Variants in BCL7C observed in about 807,000 individuals in gnomAD.
The protein encoded by BCL7C is BAF chromatin remodeling complex subunit BCL7C, also known as B-cell CLL/lymphoma 7 protein family member C.
In BCL7C, 8 loss-of-function variants were observed where a neutral mutation model predicts 26.2. That is an observed-to-expected ratio of 0.30 (90% confidence interval 0.18 to 0.55). BCL7C has a LOEUF of 0.55. Ranked by LOEUF, BCL7C falls within the 20% of genes least tolerant of loss-of-function variation. The probability of loss-of-function intolerance (pLI) is 0.93; values close to 1 mark genes in which losing one functional copy is unlikely to be tolerated. For synonymous variants in BCL7C, 90 were observed against 116.5 expected (o/e 0.77, Z 1.47); for missense variants, 262 against 298.5 (o/e 0.88, Z 0.90).
chr16:30,853,633 C>T lies in BCL7C; in HGVS notation c.529-18485G>A, dbSNP rs989048839. ...ATGAAAACCGTTCAGTATGGGGGTC[C>T]GTGTTTTCAACGTTTTAAGGAGTTT... On this transcript the variant is annotated intron_variant, in intron 5 of 5. Coordinates refer to the BCL7C transcript ENST00000380317. 2.0e-5 allele frequency among the ~76,000 whole-genome samples: 3 copies of T among 152,302 alleles called. 1 individual carries two copies. Among genetic ancestry groups the T allele is most frequent in the Non-Finnish European group, 2.9e-5 (2 of 68,020 alleles).
At chr16:30,885,246 A>G (rs1328478576), downstream of BCL7C, among the ~76,000 whole-genome samples, 3 of 152,154 alleles carry the variant, frequency 2.0e-5, no homozygotes, top group African/African-American at 7.2e-5. Context: ...GTGACGATGG[A>G]GAGAGATTGG....
At position 30,893,071 on chromosome 16, in the gene BCL7C, A is replaced by G; in HGVS notation, c.172-123T>C. The stretch of plus-strand genomic sequence containing the variant: ...GGTGTGGAGCAGAAAAGAGGGCAAA[A>G]GGGGAGGAGCTGCTAATGATGGTTC... On this transcript the variant is annotated intron_variant, in intron 2 of 5. Coordinates refer to ENST00000215115, the MANE Select transcript of BCL7C (RefSeq NM_004765.4). The surrounding 1 kb of genome is among the most constrained non-coding windows in gnomAD (Gnocchi z 5.2). 8.2e-7 allele frequency: 1 copy of G among 1,223,944 alleles called. No individual in the cohort carries two copies. The highest frequency in any genetic ancestry group is 1.2e-6 in the Non-Finnish European group (1 of 862,842). 75.8% of individuals were successfully genotyped at this position (1,223,944 alleles called of 1,614,324 possible). A position where few individuals can be genotyped will look rare whatever the true frequency, so the allele number is the denominator to read the frequency against.
chr16:30,850,209 CA>C (rs778231654), intron 5 of BCL7C, among the ~76,000 whole-genome samples: 39,132 of 86,244 alleles, frequency 0.45, 6,145 homozygotes, highest in African/African-American at 0.62. Context: ...GACTCCATCT[CA>C]AAAAAAAAAA....
chr16:30,891,675 T>C (rs1041769497), intron 4 of BCL7C, among the ~76,000 whole-genome samples: 1 of 151,482 alleles, frequency 6.6e-6, no homozygotes, highest in Non-Finnish European at 1.5e-5. Context: ...GTGAACAAGA[T>C]CACATAGGGC....
At chr16:30,841,347 C>G (rs2054600625) in intron 5 of BCL7C, among the ~76,000 whole-genome samples, 1 of 152,070 alleles carries the variant, frequency 6.6e-6, no homozygotes, top group South Asian at 2.1e-4. Flanking sequence ...TTGTTGGGAG[C>G]CGAAAAGGCC....
chr16:30,853,215 G>A (rs757295112), intron 5 of BCL7C, among the ~76,000 whole-genome samples: 3 of 152,068 alleles, frequency 2.0e-5, no homozygotes, highest in Non-Finnish European at 4.4e-5. Context: ...TGGGATTACA[G>A]GCATGAGCCA....
At chr16:30,835,591 A>C (rs1326133131) in intron 5 of BCL7C, among the ~76,000 whole-genome samples, 1 of 152,158 alleles carries the variant, frequency 6.6e-6, no homozygotes, top group East Asian at 1.9e-4. Flanking sequence ...CACGCCTGTA[A>C]TCCCAGCACT....
At chr16:30,878,002 C>A (rs1356835405) in intron 5 of BCL7C, among the ~76,000 whole-genome samples, 1 of 151,088 alleles carries the variant, frequency 6.6e-6, no homozygotes, top group Non-Finnish European at 1.5e-5. Flanking sequence ...TGGTGAAACC[C>A]CATCTCTACT....
downstream of BCL7C, among the ~76,000 whole-genome samples, chr16:30,885,472 C>T (rs935143703): frequency 4.0e-5 from 6 of 149,534 alleles, no homozygotes; most frequent in East Asian, 5.9e-4. Context: ...TATAGTGGTG[C>T]GATCTCGGCT....
intron 5 of BCL7C, chr16:30,851,763 GC>G: frequency 2.1e-6 from 1 of 466,908 alleles, no homozygotes; most frequent in Non-Finnish European, 3.9e-6. Context: ...TTTTTTTGGT[GC>G]AAGGTTGGCT....
chr16:30,851,558 G>A (rs1694713990), intron 5 of BCL7C: 1 of 322,906 alleles, frequency 3.1e-6, no homozygotes, highest in African/African-American at 2.2e-5. Flanking sequence ...TGAAGCGCTG[G>A]TTATGCGATG....
rs370756870 is a variant in BCL7C at position 30,888,872 on chromosome 16, C to G, written c.516G>C (p.Leu172=). 196 of 1,613,928 alleles carry G rather than the reference C, an allele frequency of 1.2e-4. No individual in the cohort carries two copies. The highest frequency in any genetic ancestry group is 1.6e-4 in the Non-Finnish European group (192 of 1,179,948). ...TGGCCTCTCTCACCTCAGCTTCCAGCAGTTCTGGAACAGGCTCCTCCTTGG... is the reference window on the plus strand; with the variant it reads ...TGGCCTCTCTCACCTCAGCTTCCAGGAGTTCTGGAACAGGCTCCTCCTTGG... ...MLTKEEPVPE[L]LEAEAPEAYP... Residue 172 remains leucine (L), a synonymous_variant, in exon 5 of 6, where the codon CTG becomes CTC. Transcript: ENST00000215115.
chr16:30,869,316 C>T (rs1197887565), intron 5 of BCL7C, among the ~76,000 whole-genome samples: 2 of 151,938 alleles, frequency 1.3e-5, no homozygotes, highest in Non-Finnish European at 1.5e-5. Flanking sequence ...TCCAGCAATC[C>T]TCCCACCTCA....
At chr16:30,888,468 C>T (rs1461986971) in intron 5 of BCL7C, among the ~76,000 whole-genome samples, 1 of 152,166 alleles carries the variant, frequency 6.6e-6, no homozygotes, top group Non-Finnish European at 1.5e-5. Flanking sequence ...TCCCGAGTAG[C>T]TGGGACTACA....
chr16:30,888,332 G>T (rs1418110141), intron 5 of BCL7C, among the ~76,000 whole-genome samples: 2 of 152,046 alleles, frequency 1.3e-5, no homozygotes, highest in Non-Finnish European at 2.9e-5. Context: ...ATTTTGTCAG[G>T]CTTTATTTAT....
intron 5 of BCL7C, among the ~76,000 whole-genome samples, chr16:30,856,217 G>C (rs1301096636): frequency 6.6e-6 from 1 of 151,464 alleles, no homozygotes; most frequent in African/African-American, 2.4e-5. Context: ...TGAGGCGGGC[G>C]GATCACGAGG....
chr16:30,881,622 A>G (rs1253079292), intron 5 of BCL7C, among the ~76,000 whole-genome samples: 1 of 152,062 alleles, frequency 6.6e-6, no homozygotes, highest in Admixed American at 6.6e-5. Context: ...GTGAAGGATA[A>G]TTTAAGTGCT....
intron 5 of BCL7C, among the ~76,000 whole-genome samples, chr16:30,872,377 C>T (rs568977067): frequency 1.8e-4 from 27 of 152,222 alleles, no homozygotes; most frequent in Non-Finnish European, 3.2e-4. Context: ...GGGCAGAAGT[C>T]ATGGAGTGTA....
chr16:30,893,005 G>A lies in BCL7C; in HGVS notation c.172-57C>T. 1 of 1,518,796 alleles carries A rather than the reference G, an allele frequency of 6.6e-7. No homozygotes were observed. Among genetic ancestry groups the A allele is most frequent in the East Asian group, 2.3e-5 (1 of 44,092 alleles). 94.1% of individuals were successfully genotyped at this position (1,518,796 alleles called of 1,614,324 possible). On this transcript the variant is annotated intron_variant, in intron 2 of 5. Coordinates refer to ENST00000215115, the MANE Select transcript of BCL7C (RefSeq NM_004765.4). The surrounding 1 kb of genome is among the most constrained non-coding windows in gnomAD (Gnocchi z 5.2). ...TGGAAAGCCCCACCATACACCTAAG[G>A]AAACTGAGGCACTGAGAAGCAAAAG...
Sources: allele counts gnomAD v4.1 joint callset (sites outside exome capture counted in the v4.1 genomes callset), GRCh38; gene constraint gnomAD v4.1.1; non-coding constraint Gnocchi (gnomAD v3.1); transcripts MANE v1.5; gene names NCBI Gene and HGNC (gene_info 2026-07-23, HGNC 2026-07-21).